The following MMAA variants were observed in gnomAD, a reference collection of about 807,000 sequenced individuals.
MMAA encodes metabolism of cobalamin associated A, also known as methylmalonic aciduria type A protein, mitochondrial.
A neutral mutation model predicts 45.0 loss-of-function variants in MMAA; 41 were observed. The ratio of observed to expected loss-of-function variants is 0.91; its 90% CI spans 0.71 to 1.18. The LOEUF (loss-of-function observed/expected upper bound fraction) is 1.18, where lower values mean the gene tolerates loss of function less well. MMAA is among the 50% of genes most tolerant of loss of function. The pLI is 0.00. For synonymous variants in MMAA, 154 were observed against 178.2 expected, an observed-to-expected ratio of 0.86 and a Z score of 1.08; for missense variants, 460 against 495.7, an observed-to-expected ratio of 0.93 and a Z score of 0.68.
At chr4:145,629,377 C>T (rs942230180) in intron 1 of MMAA, among the ~76,000 whole-genome samples, 1 of 151,954 alleles carries the variant, frequency 6.6e-6, no homozygotes, top group Non-Finnish European at 1.5e-5. Context: ...ACCCTTGTAC[C>T]CCAGGGATAA....
chr4:145,655,592 A>AT lies in MMAA; in HGVS notation c.*159dup. ...AAAACTTGAAGGAAGTTAGATATGA[A>AT]TGGCAAAAGTTAGGCAGTATTTATA... On this transcript the variant is annotated 3_prime_UTR_variant, in exon 7 of 7. Transcript: ENST00000649156. 1 of 678,482 alleles carries AT rather than the reference A, an allele frequency of 1.5e-6. No individual in the cohort carries two copies. The highest frequency in any genetic ancestry group is 2.4e-6 in the Non-Finnish European group (1 of 415,420). 42.0% of individuals were successfully genotyped at this position (678,482 alleles called of 1,614,324 possible).
At chr4:145,629,023 AT>A (rs1734264734) in intron 1 of MMAA, among the ~76,000 whole-genome samples, 1 of 152,196 alleles carries the variant, frequency 6.6e-6, no homozygotes, top group Non-Finnish European at 1.5e-5. Flanking sequence ...CATCGAAGGA[AT>A]GTTGAATTTT....
chr4:145,637,443 A>G (rs1453595507), intron 1 of MMAA, among the ~76,000 whole-genome samples: 1 of 151,632 alleles, frequency 6.6e-6, no homozygotes, highest in East Asian at 1.9e-4. Context: ...ATTATAATGC[A>G]CCCCCCACCC....
intron 5 of MMAA, among the ~76,000 whole-genome samples, chr4:145,652,749 A>AC (rs1728131988): frequency 1.3e-5 from 2 of 151,496 alleles, no homozygotes; most frequent in Non-Finnish European, 2.9e-5. Context: ...ACAACAACAA[A>AC]AAAACCCAGG....
chr4:145,636,638 C>A (rs1267416751), intron 1 of MMAA, among the ~76,000 whole-genome samples: 1 of 152,220 alleles, frequency 6.6e-6, no homozygotes, highest in African/African-American at 2.4e-5. Flanking sequence ...AGTCCTCAGA[C>A]TGGAAAGCCT....
Position 145,657,624 on chromosome 4 carries a change from TG to T in MMAA, c.*2191del, listed in dbSNP as rs1426127455. ...AAGAATTAATTTAGAAATTGTACAG[TG>T]CTTAGCCTCAATAATTGGTAGGTGG... On this transcript the variant is annotated 3_prime_UTR_variant, in exon 7 of 7. Transcript: ENST00000649156. 1 of 152,362 alleles carries T rather than the reference TG, an allele frequency of 6.6e-6. No homozygotes were observed. The highest frequency in any genetic ancestry group is 2.4e-5 in the African/African-American group (1 of 41,596). The allele number at this position is 152,362 out of a possible 1,614,324, so 9.4% of individuals were successfully genotyped here.
chr4:145,639,825 C>T, intron 2 of MMAA: 1 of 984,370 alleles, frequency 1.0e-6, no homozygotes, highest in Non-Finnish European at 1.2e-6. Flanking sequence ...AAGAATCTTG[C>T]TCTGGATCCC....
intron 5 of MMAA, among the ~76,000 whole-genome samples, chr4:145,652,469 A>C (rs566324363): frequency 1.1e-4 from 17 of 152,114 alleles, no homozygotes; most frequent in East Asian, 3.9e-4. Context: ...TGGCTCACGC[A>C]TGTAATCCCA....
chr4:145,640,170 G>A (rs889846778), intron 2 of MMAA, among the ~76,000 whole-genome samples: 2 of 150,938 alleles, frequency 1.3e-5, no homozygotes, highest in Non-Finnish European at 3.0e-5. Context: ...GCAGTGGCGC[G>A]ATCTCGGCTC....
chr4:145,634,334 G>A (rs1267648901), intron 1 of MMAA, among the ~76,000 whole-genome samples: 4 of 152,104 alleles, frequency 2.6e-5, no homozygotes, highest in Admixed American at 6.6e-5. Flanking sequence ...CTCACCCCAT[G>A]ACTGCCACTG....
intron 1 of MMAA, chr4:145,625,420 A>G: frequency 1.4e-6 from 1 of 705,686 alleles, no homozygotes; most frequent in Non-Finnish European, 2.7e-6. Context: ...GTTTGCTTCC[A>G]AGGAGCCATT....
intron 1 of MMAA, among the ~76,000 whole-genome samples, chr4:145,632,823 T>A (rs1345808756): frequency 6.6e-6 from 1 of 151,890 alleles, no homozygotes; most frequent in Non-Finnish European, 1.5e-5. Flanking sequence ...AGTGGTGTGA[T>A]CAGGACTTGC....
At chr4:145,625,036 A>G in intron 1 of MMAA, 1 of 909,694 alleles carries the variant, frequency 1.1e-6, no homozygotes, top group Non-Finnish European at 1.8e-6. Flanking sequence ...ACAAGAGCTC[A>G]AACTTCTCAC....
intron 1 of MMAA, among the ~76,000 whole-genome samples, chr4:145,630,868 T>G (rs924800274): frequency 6.6e-6 from 1 of 152,244 alleles, no homozygotes; most frequent in African/African-American, 2.4e-5. Context: ...ATTATTTGTT[T>G]CAAGACATTT....
rs751861917 is a variant in MMAA at position 145,646,118 on chromosome 4, A to G, written c.695A>G (p.Glu232Gly). Residue 232 changes from glutamate to glycine, a missense_variant, in exon 4 of 7, where the codon GAA (glutamate) becomes GGA (glycine). Physicochemically the swap from Glu to Gly is moderately conservative, Grantham distance 98 (BLOSUM62 -2). Coordinates refer to ENST00000649156, the MANE Select transcript of MMAA (RefSeq NM_172250.3). ...RTTNEAILLC[E>G]GAGYDIILIE... is the part of the protein sequence containing the mutation. ...ACAAATGAAGCTATTCTGTTGTGTG[A>G]AGGAGCGGGATATGACATAATTCTT... 1 of 1,614,112 alleles carries G rather than the reference A, an allele frequency of 6.2e-7. No homozygotes were observed. Among genetic ancestry groups the G allele is most frequent in the Non-Finnish European group, 8.5e-7 (1 of 1,179,962 alleles).
intron 1 of MMAA, among the ~76,000 whole-genome samples, chr4:145,628,419 G>T (rs1454688447): frequency 1.3e-5 from 2 of 152,194 alleles, no homozygotes; most frequent in Non-Finnish European, 2.9e-5. Context: ...ATCTAGAAGA[G>T]AATCAGTTTC....
At chr4:145,648,897 G>T (rs1007531462) in intron 4 of MMAA, among the ~76,000 whole-genome samples, 2 of 151,996 alleles carry the variant, frequency 1.3e-5, no homozygotes, top group African/African-American at 4.8e-5. Flanking sequence ...GAGGTGGGAG[G>T]ATCACCTGAG....
intron 1 of MMAA, among the ~76,000 whole-genome samples, chr4:145,634,865 G>GACC (rs914004872): frequency 1.2e-4 from 18 of 152,042 alleles, no homozygotes; most frequent in African/African-American, 4.3e-4. Context: ...CTAGGGCCTG[G>GACC]AAGGGGGACC....
intron 1 of MMAA, among the ~76,000 whole-genome samples, chr4:145,622,907 A>G (rs983589095): frequency 6.6e-6 from 1 of 152,194 alleles, no homozygotes; most frequent in Non-Finnish European, 1.5e-5. Context: ...CTGTATGGCA[A>G]TGACACTGTG....
Sources: allele counts gnomAD v4.1 joint callset (sites outside exome capture counted in the v4.1 genomes callset), GRCh38; gene constraint gnomAD v4.1.1; transcripts MANE v1.5; gene names NCBI Gene and HGNC (gene_info 2026-07-23, HGNC 2026-07-21).